Variants in SMAP2 observed in about 807,000 individuals in gnomAD.
SMAP2 encodes stromal membrane-associated protein 2.
In SMAP2, 25 loss-of-function variants were observed where a neutral mutation model predicts 56.4. The observed-to-expected ratio is 0.44, with a 90% CI of 0.32 to 0.62. SMAP2 has a LOEUF of 0.62. Among genes scored for constraint, SMAP2 ranks in the 20% least tolerant of loss-of-function variants. SMAP2 has a pLI of 0.04. For synonymous variants in SMAP2, 157 were observed against 181.7 expected (o/e 0.86, Z 1.09); for missense variants, 388 against 545.6 (o/e 0.71, Z 2.88).
intron 1 of SMAP2, among the ~76,000 whole-genome samples, chr1:40,379,281 C>T (rs532307915): frequency 1.3e-5 from 2 of 152,058 alleles, no homozygotes; most frequent in Non-Finnish European, 2.9e-5. Context: ...CCATTGTCGG[C>T]AATTTCTTAC....
intron 5 of SMAP2, among the ~76,000 whole-genome samples, chr1:40,413,693 T>C (rs547477502): frequency 5.4e-4 from 82 of 152,348 alleles, no homozygotes; most frequent in Non-Finnish European, 7.4e-5. Flanking sequence ...ACATTGTCTG[T>C]GGACACAATC....
At chr1:40,350,516 A>G (rs1644405441) in intron 1 of SMAP2, among the ~76,000 whole-genome samples, 1 of 152,210 alleles carries the variant, frequency 6.6e-6, no homozygotes, top group Non-Finnish European at 1.5e-5. Context: ...TCTCAGTAAG[A>G]GACAAAACCA....
intron 1 of SMAP2, among the ~76,000 whole-genome samples, chr1:40,402,437 C>T (rs1366793770): frequency 6.6e-6 from 1 of 151,878 alleles, no homozygotes; most frequent in East Asian, 1.9e-4. Flanking sequence ...CTTATTTCTT[C>T]TAACTGTATT....
At position 40,373,733 on chromosome 1, in the gene SMAP2, G is replaced by T; in HGVS notation, c.-388G>T. On this transcript the variant is annotated 5_prime_UTR_variant, in exon 1 of 10. Coordinates refer to ENST00000372718, the MANE Select transcript of SMAP2 (RefSeq NM_022733.3). ...GCTGCCGGAAGTAGGCGGTGGAGGT[G>T]GTAGCGGAGCTGACGGCAGCTGCCA... 1 of 178,298 alleles carries T rather than the reference G, an allele frequency of 5.6e-6. No homozygotes were observed. Among genetic ancestry groups the T allele is most frequent in the Non-Finnish European group, 1.2e-5 (1 of 83,664 alleles). The allele number at this position is 178,298 out of a possible 1,614,324, so 11.0% of individuals were successfully genotyped here.
rs181059809 is a variant in SMAP2 at position 40,411,148 on chromosome 1, G to A, written c.402+1313G>A. On this transcript the variant is annotated intron_variant, in intron 4 of 9. Transcript: ENST00000372718. Reference sequence around the variant, plus strand: ...CAGGCAAGTAAGTGTAATACATATAGTTAGGTAAAAATGATTCCTTCTCAA... The same window carrying A: ...CAGGCAAGTAAGTGTAATACATATAATTAGGTAAAAATGATTCCTTCTCAA... Among the ~76,000 whole-genome samples, 48 of 152,274 alleles carry A rather than the reference G, an allele frequency of 3.2e-4. 1 individual carries two copies. The highest frequency in any genetic ancestry group is 3.4e-3 in the Middle Eastern group (1 of 294).
chr1:40,416,202 G>A lies in SMAP2; in HGVS notation c.708G>A (p.Gly236=), dbSNP rs756820460. The A allele has an allele frequency of 5.6e-6, 9 of 1,614,036 alleles. No homozygotes were observed. Among genetic ancestry groups the A allele is most frequent in the Middle Eastern group, 1.7e-4 (1 of 6,060 alleles). The change falls in exon 8 of 10, where the codon GGG becomes GGA. Residue 236 remains glycine, a synonymous_variant. Transcript: ENST00000372718. ...RKVVGSMPTA[G]SAGSVPENLN... Reference sequence around the variant, plus strand: ...TTGTAGGTTCCATGCCAACTGCAGGGAGTGCCGGCTCTGTTCCTGAAAATC... The same window carrying A: ...TTGTAGGTTCCATGCCAACTGCAGGAAGTGCCGGCTCTGTTCCTGAAAATC...
chr1:40,380,004 A>G (rs1452537841), intron 1 of SMAP2, among the ~76,000 whole-genome samples: 1 of 152,252 alleles, frequency 6.6e-6, no homozygotes, highest in African/African-American at 2.4e-5. Flanking sequence ...ACCTGATTCC[A>G]CATACCACCT....
intron 1 of SMAP2, chr1:40,393,220 A>T: frequency 8.6e-7 from 1 of 1,157,400 alleles, no homozygotes; most frequent in Non-Finnish European, 1.2e-6. Flanking sequence ...CAGCTACTCA[A>T]GAAGCTGAGG....
chr1:40,364,094 T>C (rs1373691129), intron 2 of SMAP2, among the ~76,000 whole-genome samples: 3 of 152,180 alleles, frequency 2.0e-5, no homozygotes, highest in Non-Finnish European at 4.4e-5. Context: ...CAGAAACTGA[T>C]TAACATATGG....
In SMAP2 at chr1:40,347,240, G is replaced by GTGTTTT. The variant is rs58284805; in HGVS notation, c.-83+2331_-83+2332insGTTTTT. On this transcript the variant is annotated intron_variant, in intron 1 of 6. Transcript: ENST00000435168. ...TGTGTGTGTGTGTTTGTGTGTGTGTGTTTTGTTTTTGTTTTTTTTTTTTTT... is the reference window on the plus strand; with the variant it reads ...TGTGTGTGTGTGTTTGTGTGTGTGTGTGTTTTTTTTGTTTTTGTTTTTTTTTTTTTT... 2.3e-3 allele frequency among the ~76,000 whole-genome samples: 199 copies of GTGTTTT among 88,344 alleles called. 7 individuals are homozygous for GTGTTTT. Among genetic ancestry groups the GTGTTTT allele is most frequent in the African/African-American group, 7.7e-3 (190 of 24,834 alleles). The allele number at this position is 88,344 out of a possible 152,430, so 58.0% of individuals were successfully genotyped here.
chr1:40,399,326 T>TTA (rs1557441865), intron 1 of SMAP2, among the ~76,000 whole-genome samples: 1 of 144,332 alleles, frequency 6.9e-6, no homozygotes, highest in East Asian at 2.0e-4. Flanking sequence ...TTTTTTTTTT[T>TTA]TTTTTGTATT....
At chr1:40,362,927 C>T (rs1036741239) in intron 2 of SMAP2, among the ~76,000 whole-genome samples, 6 of 152,028 alleles carry the variant, frequency 3.9e-5, no homozygotes, top group African/African-American at 1.2e-4. Context: ...GGATGGACAG[C>T]GCCAAGAATA....
intron 1 of SMAP2, among the ~76,000 whole-genome samples, chr1:40,349,672 C>A (rs1403432807): frequency 2.6e-5 from 4 of 152,138 alleles, no homozygotes; most frequent in African/African-American, 9.7e-5. Flanking sequence ...GCACGTGCCA[C>A]CACATCCAGC....
intron 9 of SMAP2, among the ~76,000 whole-genome samples, chr1:40,421,426 CTTA>C (rs1337287330): frequency 6.6e-6 from 1 of 152,040 alleles, no homozygotes; most frequent in East Asian, 1.9e-4. Flanking sequence ...TCCTTCCCTT[CTTA>C]TACACTGAAG....
At chr1:40,405,494 A>G (rs1056496517) in intron 1 of SMAP2, among the ~76,000 whole-genome samples, 1 of 152,214 alleles carries the variant, frequency 6.6e-6, no homozygotes, top group Non-Finnish European at 1.5e-5. Flanking sequence ...TCTAAAAATA[A>G]AAATTAAAAA....
intron 1 of SMAP2, among the ~76,000 whole-genome samples, chr1:40,394,252 C>T (rs370754975): frequency 5.6e-4 from 85 of 152,020 alleles, no homozygotes; most frequent in African/African-American, 2.0e-3. Flanking sequence ...GTGTTTGGGG[C>T]GCCAATCACT....
chr1:40,359,869 G>C (rs1265504932), intron 1 of SMAP2, among the ~76,000 whole-genome samples: 1 of 151,934 alleles, frequency 6.6e-6, no homozygotes, highest in Non-Finnish European at 1.5e-5. Context: ...TATCTCATTG[G>C]ACTGTCTATG....
At chr1:40,356,506 G>T (rs1294188950) in intron 1 of SMAP2, among the ~76,000 whole-genome samples, 2 of 151,672 alleles carry the variant, frequency 1.3e-5, no homozygotes, top group African/African-American at 2.4e-5. Context: ...TGCCTCCCGG[G>T]TCCACACCAT....
chr1:40,362,131 CA>C (rs1221066020), intron 1 of SMAP2, among the ~76,000 whole-genome samples: 5 of 152,142 alleles, frequency 3.3e-5, no homozygotes, highest in African/African-American at 1.2e-4. Context: ...AGGAGAGGGC[CA>C]CCATCACAGT....
Sources: gnomAD v4.1 joint callset for allele counts (sites outside exome capture counted in the v4.1 genomes callset) on GRCh38, gnomAD v4.1.1 for gene constraint, MANE v1.5 for transcripts, NCBI Gene and HGNC (gene_info 2026-07-23, HGNC 2026-07-21) for gene names.